STAG2: variants seen among roughly 807,000 people sequenced by gnomAD.
STAG2 encodes the protein STAG2 cohesin complex component, also known as cohesin subunit SA-2.
STAG2 carries 14 observed loss-of-function variants against 108.1 expected under a neutral mutation model. The observed-to-expected ratio is 0.13, with a 90% CI of 0.09 to 0.20. The LOEUF (loss-of-function observed/expected upper bound fraction) is 0.20. Ranked by LOEUF, STAG2 falls within the 10% of genes least tolerant of loss-of-function variation. The pLI, the probability that STAG2 is intolerant of heterozygous loss-of-function variation, is 1.00. For missense variants in STAG2, 440 were observed against 940.9 expected (o/e 0.47, Z 6.96); for synonymous variants, 307 against 302.7 (o/e 1.01, Z -0.15).
At chrX:124,030,096 C>T (rs1181455998) in intron 4 of STAG2, among the ~76,000 whole-genome samples, 2 of 111,471 alleles carry the variant, frequency 1.8e-5, no homozygotes, top group African/African-American at 6.5e-5. Context: ...GATAAACCTA[C>T]TCCTAATGTT....
At chrX:123,969,479 C>A (rs2054250693) in intron 1 of STAG2, among the ~76,000 whole-genome samples, 1 of 110,580 alleles carries the variant, frequency 9.0e-6, no homozygotes, top group African/African-American at 3.3e-5. Flanking sequence ...CTTAAAAATT[C>A]TTTTTTATTC....
chrX:123,998,333 A>ATT (rs774285658), intron 1 of STAG2, among the ~76,000 whole-genome samples: 2 of 93,481 alleles, frequency 2.1e-5, no homozygotes, highest in Non-Finnish European at 2.2e-5. Context: ...TGCCCAACTA[A>ATT]TTTTTTTTTT....
intron 1 of STAG2, among the ~76,000 whole-genome samples, chrX:123,997,904 G>A (rs781269593): frequency 1.5e-4 from 17 of 112,280 alleles, no homozygotes; most frequent in Non-Finnish European, 2.3e-4. Flanking sequence ...GCCTCCCAAA[G>A]TGCTGGGATC....
At chrX:124,068,768 T>G (rs963332568) in intron 24 of STAG2, 112 bp downstream of exon 24, 7 of 471,888 alleles carry the variant, frequency 1.5e-5, no homozygotes, top group Non-Finnish European at 2.5e-5. Flanking sequence ...ATATCTTGTA[T>G]CTGCCTATGT....
At chrX:124,014,086 G>A (rs961174067) in intron 1 of STAG2, among the ~76,000 whole-genome samples, 3 of 111,209 alleles carry the variant, frequency 2.7e-5, no homozygotes, top group Non-Finnish European at 5.7e-5. Context: ...AAAGTGAGTA[G>A]ACAAGAAAAC....
chrX:123,985,768 A>T (rs1289499227), intron 1 of STAG2, among the ~76,000 whole-genome samples: 2 of 106,630 alleles, frequency 1.9e-5, no homozygotes, highest in African/African-American at 6.9e-5. Flanking sequence ...GGTAGATACG[A>T]GGTCTTGCTA....
intron 1 of STAG2, among the ~76,000 whole-genome samples, chrX:124,007,539 A>T (rs1486589258): frequency 2.7e-5 from 3 of 111,768 alleles, no homozygotes; most frequent in African/African-American, 9.8e-5. Flanking sequence ...AATGAGTATG[A>T]CATTTTCCTT....
intron 15 of STAG2, among the ~76,000 whole-genome samples, chrX:124,059,846 A>G (rs1437784734): frequency 9.1e-6 from 1 of 109,756 alleles, no homozygotes; most frequent in African/African-American, 3.3e-5. Context: ...AGAATTTTGT[A>G]GACAGTAGGG....
At chrX:124,061,393 T>G in intron 16 of STAG2, 52 bp downstream of exon 16, 1 of 868,980 alleles carries the variant, frequency 1.2e-6, no homozygotes, top group Non-Finnish European at 1.7e-6. Flanking sequence ...GTAAGTAGAT[T>G]TTTACTCATT....
At chrX:124,024,057 C>T (rs1269740328) in intron 3 of STAG2, among the ~76,000 whole-genome samples, 7 of 111,725 alleles carry the variant, frequency 6.3e-5, no homozygotes, top group African/African-American at 1.3e-4. Context: ...CATTGAAGAA[C>T]GGCTTAGGAG....
intron 5 of STAG2, among the ~76,000 whole-genome samples, chrX:124,034,878 GTTATTATTA>G (rs112336660): frequency 2.4e-5 from 2 of 83,897 alleles, no homozygotes; most frequent in African/African-American, 8.4e-5. Context: ...TGTTGTTGTT[GTTATTATTA>G]TTATTATTAT....
intron 1 of STAG2, among the ~76,000 whole-genome samples, chrX:123,993,840 T>G (rs2055599479): frequency 9.0e-6 from 1 of 111,644 alleles, no homozygotes; most frequent in African/African-American, 3.3e-5. Context: ...TATATGATTT[T>G]TATGCATATT....
chrX:123,995,491 G>A (rs1451086625), intron 1 of STAG2, among the ~76,000 whole-genome samples: 3 of 110,947 alleles, frequency 2.7e-5, no homozygotes, highest in African/African-American at 9.8e-5. Context: ...TGAGGAGATC[G>A]AGACCATCCT....
intron 24 of STAG2, among the ~76,000 whole-genome samples, chrX:124,070,172 A>T (rs999553158): frequency 8.9e-6 from 1 of 111,902 alleles, no homozygotes; most frequent in Non-Finnish European, 1.9e-5. Flanking sequence ...GCTAATTAGT[A>T]AATATCATCA....
intron 23 of STAG2, 118 bp downstream of exon 23, chrX:124,066,554 T>C (rs2058536032): frequency 2.0e-6 from 1 of 493,981 alleles, no homozygotes; most frequent in East Asian, 3.7e-5. Context: ...TCTAATGTAC[T>C]GTTATTTGTA....
chrX:124,041,399 A>T (rs1316951397), intron 6 of STAG2, among the ~76,000 whole-genome samples: 4 of 109,539 alleles, frequency 3.7e-5, no homozygotes, highest in Admixed American at 9.9e-5. Context: ...GGGATTATGG[A>T]TTTACAGCTA....
chrX:123,970,152 A>G (rs764274503), intron 1 of STAG2, among the ~76,000 whole-genome samples: 63 of 109,074 alleles, frequency 5.8e-4, no homozygotes, highest in Non-Finnish European at 9.7e-4. Flanking sequence ...CATGTAGGAA[A>G]TACTTTTTTC....
chrX:124,064,444 G>GT (rs757340317), intron 20 of STAG2, among the ~76,000 whole-genome samples: 2,467 of 96,186 alleles, frequency 0.026, 29 homozygotes, highest in African/African-American at 0.035. Flanking sequence ...AGGACATTAT[G>GT]TTTTTTTTTT....
At chrX:124,072,876 TTTTTTTTCTTTC>T (rs1330980785) in intron 25 of STAG2, among the ~76,000 whole-genome samples, 1 of 103,740 alleles carries the variant, frequency 9.6e-6, no homozygotes, top group East Asian at 3.0e-4. Context: ...AATTTTTCTT[TTTTTTTTCTTTC>T]TTTCTTTCTT....
Sources: gnomAD v4.1 joint callset for allele counts (sites outside exome capture counted in the v4.1 genomes callset) on GRCh38, gnomAD v4.1.1 for gene constraint, MANE v1.5 for transcripts, NCBI Gene and HGNC (gene_info 2026-07-23, HGNC 2026-07-21) for gene names.